The following PCDHA4 variants were observed in gnomAD, a reference collection of about 807,000 sequenced individuals.
PCDHA4 encodes protocadherin alpha-4.
PCDHA4 carries 49 observed loss-of-function variants against 61.4 expected under a neutral mutation model. That is an observed-to-expected ratio of 0.80 (90% CI 0.63 to 1.01). The LOEUF is 1.01. PCDHA4 is among the 50% of genes least tolerant of loss of function. The pLI is 0.00. For synonymous variants in PCDHA4, 590 were observed against 550.3 expected, an observed-to-expected ratio of 1.07 and a Z score of -1.01; for missense variants, 1,254 against 1,235.8, an observed-to-expected ratio of 1.01 and a Z score of -0.22.
At chr5:140,952,301 T>C (rs246036) in intron 1 of PCDHA4, among the ~76,000 whole-genome samples, 3 of 149,380 alleles carry the variant, frequency 2.0e-5, no homozygotes. Flanking sequence ...CACAGCCATT[T>C]CACTCCAGCC....
chr5:140,823,677 C>G, intron 1 of PCDHA4: 1 of 1,614,048 alleles, frequency 6.2e-7, no homozygotes, highest in Non-Finnish European at 8.5e-7. Context: ...GCACAACACG[C>G]TCTCTGGATG....
intron 1 of PCDHA4, among the ~76,000 whole-genome samples, chr5:140,939,735 G>A (rs2092448026): frequency 6.6e-6 from 1 of 152,174 alleles, no homozygotes; most frequent in South Asian, 2.1e-4. Flanking sequence ...GTGTGTAGCT[G>A]TGTATCATTC....
intron 1 of PCDHA4, among the ~76,000 whole-genome samples, chr5:140,820,925 C>G (rs1554127950): frequency 1.3e-5 from 2 of 151,812 alleles, no homozygotes; most frequent in Non-Finnish European, 2.9e-5. Flanking sequence ...CTTTTGATTT[C>G]TAGAAAGCTG....
At chr5:140,952,338 CAA>C (rs55931446) in intron 1 of PCDHA4, among the ~76,000 whole-genome samples, 119 of 135,000 alleles carry the variant, frequency 8.8e-4, no homozygotes, top group Admixed American at 1.8e-3. Flanking sequence ...AACTCCATCT[CAA>C]AAAAAAAAAA....
intron 1 of PCDHA4, chr5:140,930,381 A>G (rs569032116): frequency 2.0e-5 from 3 of 152,008 alleles, no homozygotes; most frequent in East Asian, 3.9e-4. Flanking sequence ...GGCCCTTGGC[A>G]TTTCAAAACT....
At chr5:140,965,039 C>G (rs1237802301) in intron 1 of PCDHA4, among the ~76,000 whole-genome samples, 6 of 152,236 alleles carry the variant, frequency 3.9e-5, no homozygotes, top group African/African-American at 1.2e-4. Context: ...ACTGTCCGCT[C>G]TAGGAGGGAA....
chr5:140,925,124 A>AGGAAGGAAGGAAGGAAGGAAGGAAGG, intron 1 of PCDHA4, among the ~76,000 whole-genome samples: 1 of 151,856 alleles, frequency 6.6e-6, no homozygotes, highest in Non-Finnish European at 1.5e-5. Flanking sequence ...GAAGGAAGGA[A>AGGAAGGAAGGAAGGAAGGAAGGAAGG]AAAAAATTTC....
chr5:140,828,369 A>C, intron 1 of PCDHA4: 1 of 1,614,252 alleles, frequency 6.2e-7, no homozygotes, highest in Non-Finnish European at 8.5e-7. Context: ...ATCGACCGCG[A>C]GGAGCTGTGC....
chr5:140,868,708 A>C, intron 1 of PCDHA4: 1 of 186,682 alleles, frequency 5.4e-6, no homozygotes, highest in Non-Finnish European at 1.1e-5. Context: ...CATAGACACA[A>C]TAATTTAAAT....
At chr5:140,830,548 A>G in intron 1 of PCDHA4, 1 of 1,123,746 alleles carries the variant, frequency 8.9e-7, no homozygotes, top group Non-Finnish European at 1.2e-6. Context: ...TTTTCCTCAT[A>G]TTTGTCTTCT....
At chr5:140,935,486 A>C (rs1554210536) in intron 1 of PCDHA4, among the ~76,000 whole-genome samples, 1 of 152,228 alleles carries the variant, frequency 6.6e-6, no homozygotes, top group East Asian at 1.9e-4. Context: ...CTTTTCATTT[A>C]TAAGGCACAT....
intron 1 of PCDHA4, among the ~76,000 whole-genome samples, chr5:140,820,161 T>G (rs2150106041): frequency 6.6e-6 from 1 of 152,014 alleles, no homozygotes; most frequent in African/African-American, 2.4e-5. Context: ...GTATGAAAAC[T>G]ATTAGGCAAA....
intron 3 of PCDHA4, among the ~76,000 whole-genome samples, chr5:140,996,992 T>A (rs565740982): frequency 3.9e-5 from 6 of 152,324 alleles, no homozygotes; most frequent in African/African-American, 1.4e-4. Flanking sequence ...CAACCACTGT[T>A]AACAATTTTG....
intron 1 of PCDHA4, among the ~76,000 whole-genome samples, chr5:140,900,220 A>G (rs2067832167): frequency 6.6e-6 from 1 of 152,132 alleles, no homozygotes; most frequent in South Asian, 2.1e-4. Context: ...GTTGTTGCAA[A>G]TGACTGGATC....
intron 1 of PCDHA4, chr5:140,877,239 C>T (rs2056959197): frequency 1.9e-6 from 3 of 1,613,668 alleles, no homozygotes; most frequent in Middle Eastern, 1.7e-4. Context: ...GTGCGGGCCA[C>T]GTGGTGGCGA....
intron 1 of PCDHA4, chr5:140,969,591 T>C: frequency 2.4e-6 from 2 of 829,486 alleles, no homozygotes; most frequent in South Asian, 2.0e-5. Context: ...TTAGTCTTAA[T>C]ATTTAATGCT....
chr5:140,986,106 G>A (rs2097187379), intron 3 of PCDHA4, among the ~76,000 whole-genome samples: 2 of 152,116 alleles, frequency 1.3e-5, no homozygotes, highest in Non-Finnish European at 2.9e-5. Context: ...AAAAGCCTAA[G>A]ATAAAGATGC....
intron 1 of PCDHA4, chr5:140,883,398 G>C: frequency 6.2e-7 from 1 of 1,614,166 alleles, no homozygotes; most frequent in Non-Finnish European, 8.5e-7. Context: ...GTGTCCGATC[G>C]TGACTCTGGC....
chr5:140,831,224 A>C (rs2150192658), intron 1 of PCDHA4: 1 of 152,206 alleles, frequency 6.6e-6, no homozygotes. Flanking sequence ...TGAAAACTGC[A>C]TTCCTCTGGC....
Sources: gnomAD v4.1 joint callset for allele counts (sites outside exome capture counted in the v4.1 genomes callset) on GRCh38, gnomAD v4.1.1 for gene constraint, MANE v1.5 for transcripts, NCBI Gene and HGNC (gene_info 2026-07-23, HGNC 2026-07-21) for gene names.